The following TMEM209 variants were observed in gnomAD, a reference collection of about 807,000 sequenced individuals.
TMEM209 encodes transmembrane protein 209.
A neutral mutation model predicts 76.2 loss-of-function variants in TMEM209; 65 were observed. The observed-to-expected ratio is 0.85, with a 90% CI of 0.70 to 1.05. TMEM209 has a LOEUF of 1.05. Among genes scored for constraint, TMEM209 ranks in the 50% least tolerant of loss-of-function variants. TMEM209 has a pLI of 0.00. For synonymous variants in TMEM209, 239 were observed against 237.6 expected (o/e 1.01, Z -0.06); for missense variants, 623 against 685.5 (o/e 0.91, Z 1.02).
intron 6 of TMEM209, among the ~76,000 whole-genome samples, chr7:130,191,258 G>C (rs1217852968): frequency 6.6e-6 from 1 of 150,862 alleles, no homozygotes; most frequent in Non-Finnish European, 1.5e-5. Context: ...TCACCAGAAT[G>C]ATATTCACAA....
chr7:130,185,465 G>A, intron 6 of TMEM209, 98 bp from the exon 7 acceptor site: 2 of 1,007,798 alleles, frequency 2.0e-6, no homozygotes, highest in South Asian at 4.0e-5. Flanking sequence ...GGAATCAGAA[G>A]ACCAACCCTC....
At chr7:130,183,129 T>C (rs1315785555) in intron 8 of TMEM209, among the ~76,000 whole-genome samples, 2 of 152,354 alleles carry the variant, frequency 1.3e-5, no homozygotes, top group East Asian at 3.9e-4. Context: ...TAAGACTTCA[T>C]ATTTTAAACA....
Position 130,178,520 on chromosome 7 carries a change from A to C in TMEM209, c.1128T>G (p.Ser376Arg). The change falls in exon 10 of 15, where the codon AGT (serine) becomes AGG (arginine). Residue 376 changes from serine to arginine, a missense_variant. By Grantham distance (110) the Ser-to-Arg change is moderately radical (BLOSUM62 -1). Coordinates refer to ENST00000397622, the MANE Select transcript of TMEM209 (RefSeq NM_032842.4). ...GCPELQIGEA[S>R]ITSLKQAALV... is the part of the protein sequence containing the mutation. ...GGGCAGCTTGTTTCAAGCTAGTAATACTAGCCTCTGTTAACATAAAACACA... is the reference window on the plus strand; with the variant it reads ...GGGCAGCTTGTTTCAAGCTAGTAATCCTAGCCTCTGTTAACATAAAACACA... 1 of 1,613,308 alleles carries C rather than the reference A, an allele frequency of 6.2e-7. No individual in the cohort carries two copies. Among genetic ancestry groups the C allele is most frequent in the Non-Finnish European group, 8.5e-7 (1 of 1,179,668 alleles).
intron 5 of TMEM209, among the ~76,000 whole-genome samples, chr7:130,195,893 C>T (rs1371298183): frequency 6.6e-6 from 1 of 152,102 alleles, no homozygotes; most frequent in Non-Finnish European, 1.5e-5. Context: ...GTGCTAATTA[C>T]ACTTAATATA....
chr7:130,171,533 G>A (rs1306007317), intron 13 of TMEM209, among the ~76,000 whole-genome samples: 1 of 152,104 alleles, frequency 6.6e-6, no homozygotes, highest in Admixed American at 6.6e-5. Flanking sequence ...AGATTGGCAT[G>A]GATATTCACA....
intron 7 of TMEM209, among the ~76,000 whole-genome samples, 190 bp from the exon 8 acceptor site, chr7:130,184,445 T>C (rs1402634129): frequency 6.6e-6 from 1 of 152,178 alleles, no homozygotes; most frequent in East Asian, 1.9e-4. Context: ...CACACAGATT[T>C]ATCTTTAAAA....
intron 6 of TMEM209, chr7:130,192,372 T>A: frequency 2.3e-6 from 1 of 438,938 alleles, no homozygotes; most frequent in Non-Finnish European, 4.2e-6. Flanking sequence ...TAAATAGAAA[T>A]TGTAACTTAC....
chr7:130,178,869 G>A (rs1027155791), intron 9 of TMEM209, among the ~76,000 whole-genome samples: 6 of 152,028 alleles, frequency 3.9e-5, no homozygotes, highest in Non-Finnish European at 8.8e-5. Flanking sequence ...TCAATCGAAT[G>A]GGCTCAAGCA....
At chr7:130,168,116 C>T (rs1796938006) in intron 14 of TMEM209, among the ~76,000 whole-genome samples, 1 of 152,064 alleles carries the variant, frequency 6.6e-6, no homozygotes, top group African/African-American at 2.4e-5. Flanking sequence ...AAGCATATGA[C>T]AGACCGTATA....
chr7:130,187,353 GAATT>G (rs1345198799), intron 6 of TMEM209, among the ~76,000 whole-genome samples: 1 of 152,038 alleles, frequency 6.6e-6, no homozygotes, highest in African/African-American at 2.4e-5. Context: ...AATGAAAAGA[GAATT>G]AAAAATCTAA....
chr7:130,172,998 C>CAAAAA (rs67876495), intron 13 of TMEM209, among the ~76,000 whole-genome samples: 3 of 86,680 alleles, frequency 3.5e-5, no homozygotes, highest in African/African-American at 5.0e-5. Flanking sequence ...GACTCTATCT[C>CAAAAA]AAAAAAAAAA....
chr7:130,172,317 A>G (rs1797095843), intron 13 of TMEM209, among the ~76,000 whole-genome samples: 1 of 152,138 alleles, frequency 6.6e-6, no homozygotes, highest in Non-Finnish European at 1.5e-5. Context: ...GCATGAAGAT[A>G]CATTTTCAGC....
Position 130,201,932 on chromosome 7 carries a change from G to T in TMEM209, c.491C>A (p.Pro164His). The T allele has an allele frequency of 5.6e-6, 9 of 1,613,888 alleles. No homozygotes were observed. Among genetic ancestry groups the T allele is most frequent in the Non-Finnish European group, 7.6e-6 (9 of 1,179,870 alleles). Residue 164 changes from proline to histidine, a missense_variant, in exon 5 of 15, where the codon CCT (proline) becomes CAT (histidine). Pro to His is a moderately conservative substitution (Grantham distance 77). Coordinates refer to ENST00000397622, the MANE Select transcript of TMEM209 (RefSeq NM_032842.4). Reference sequence around the variant, plus strand: ...ACCTGAGGACAGACCTTGCAGCTGAGGGCTGTAACCAGTCATACAGCTGGT... The same window carrying T: ...ACCTGAGGACAGACCTTGCAGCTGATGGCTGTAACCAGTCATACAGCTGGT... The part of the protein sequence containing the change: ...FTTSCMTGYS[P>H]QLQGLSSGGS...
chr7:130,175,233 AG>A, intron 11 of TMEM209: 1 of 304,574 alleles, frequency 3.3e-6, no homozygotes, highest in Non-Finnish European at 6.0e-6. Context: ...AAGCTGAGGC[AG>A]GGGGATCACT....
At chr7:130,191,369 T>C (rs535392333) in intron 6 of TMEM209, among the ~76,000 whole-genome samples, 1 of 152,018 alleles carries the variant, frequency 6.6e-6, no homozygotes, top group African/African-American at 2.4e-5. Flanking sequence ...ACGGGAGCTT[T>C]TGGCACACTT....
chr7:130,194,312 A>C (rs1205187382), intron 5 of TMEM209, among the ~76,000 whole-genome samples: 1 of 151,824 alleles, frequency 6.6e-6, no homozygotes, highest in South Asian at 2.1e-4. Flanking sequence ...TGTGAACTCA[A>C]AACTGCTCTA....
At chr7:130,175,795 C>A (rs1207512354) in intron 10 of TMEM209, among the ~76,000 whole-genome samples, 186 bp from the exon 11 acceptor site, 1 of 151,902 alleles carries the variant, frequency 6.6e-6, no homozygotes, top group Middle Eastern at 3.4e-3. Flanking sequence ...TCAGATAAAT[C>A]CAAAATGTGG....
At chr7:130,204,920 T>A in intron 1 of TMEM209, 3 of 1,048,914 alleles carry the variant, frequency 2.9e-6, no homozygotes, top group Non-Finnish European at 3.5e-6. Context: ...CTCTCCCTTT[T>A]GTGTGTGGAT....
intron 9 of TMEM209, among the ~76,000 whole-genome samples, chr7:130,179,076 T>A (rs1390365758): frequency 2.6e-5 from 4 of 152,156 alleles, no homozygotes; most frequent in Non-Finnish European, 5.9e-5. Context: ...GTGTTAGCCA[T>A]CGTGCCTGGC....
Sources: gnomAD v4.1 joint callset for allele counts (sites outside exome capture counted in the v4.1 genomes callset) on GRCh38, gnomAD v4.1.1 for gene constraint, MANE v1.5 for transcripts, NCBI Gene and HGNC (gene_info 2026-07-23, HGNC 2026-07-21) for gene names.